The following NFE2 variants were observed in gnomAD, a reference collection of about 807,000 sequenced individuals.
The protein encoded by NFE2 is transcription factor NF-E2 45 kDa subunit.
Under a neutral mutation model 25.8 loss-of-function variants are expected in NFE2, and 13 were observed. The ratio of observed to expected loss-of-function variants is 0.50; its 90% confidence interval spans 0.33 to 0.80. The LOEUF (loss-of-function observed/expected upper bound fraction) is 0.80. NFE2 is among the 30% of genes least tolerant of loss of function. The pLI, the probability that NFE2 is intolerant of heterozygous loss-of-function variation, is 0.02. For synonymous variants in NFE2, 204 were observed against 200.2 expected, an observed-to-expected ratio of 1.02 and a Z score of -0.16; for missense variants, 382 against 478.9, an observed-to-expected ratio of 0.80 and a Z score of 1.89.
In NFE2 at chr12:54,293,196, GC is replaced by G; in HGVS notation, c.299del (p.Gly100AlafsTer11). On this transcript the variant is annotated frameshift_variant, in exon 3 of 3. Transcript: ENST00000435572. LOFTEE classifies it high-confidence loss of function. ...SHVPDPPYSY[G>X]NMAIPVSKPL... Reference sequence around the variant, plus strand: ...GCTTGGAGACTGGTATGGCCATGTTGCCATAGGAGTATGGGGGATCTGGGAC... The same window carrying G: ...GCTTGGAGACTGGTATGGCCATGTTGCATAGGAGTATGGGGGATCTGGGAC... The G allele has an allele frequency of 1.9e-6, 3 of 1,587,890 alleles. No individual in the cohort carries two copies. The highest frequency in any genetic ancestry group is 2.6e-6 in the Non-Finnish European group (3 of 1,165,846).
At chr12:54,299,580 G>A (rs1944403880) in intron 1 of NFE2, among the ~76,000 whole-genome samples, 1 of 152,182 alleles carries the variant, frequency 6.6e-6, no homozygotes, top group Non-Finnish European at 1.5e-5. Context: ...TAGCCTGGTG[G>A]TCCTACCCAG....
chr12:54,295,506 C>G, intron 1 of NFE2: 2 of 398,912 alleles, frequency 5.0e-6, no homozygotes, highest in Admixed American at 3.9e-5. Flanking sequence ...CCAACTATGG[C>G]CACAGTCAGT....
rs763252287 is a variant in NFE2 at position 54,292,597 on chromosome 12, C to G, written c.899G>C (p.Arg300Pro). 6.2e-7 allele frequency: 1 copy of G among 1,614,034 alleles called. No individual in the cohort carries two copies. Among genetic ancestry groups the G allele is most frequent in the Admixed American group, 1.7e-5 (1 of 60,000 alleles). Residue 300 changes from arginine to proline, a missense_variant, in exon 3 of 3, where the codon CGG becomes CCG. By Grantham distance (103) the Arg-to-Pro change is moderately radical. Transcript: ENST00000435572. Reference sequence around the variant, plus strand: ...AAGCCGCTCCCGTTCATTGGTCAGCCGCTCCAGCTCCCGCTCCAGCTGCAC... The same window carrying G: ...AAGCCGCTCCCGTTCATTGGTCAGCGGCTCCAGCTCCCGCTCCAGCTGCAC... Reference protein sequence around the residue: ...TIVQLERELERLTNERERLLR... With the variant: ...TIVQLERELEPLTNERERLLR...
At chr12:54,296,268 G>A (rs536868987) in intron 1 of NFE2, among the ~76,000 whole-genome samples, 2 of 152,120 alleles carry the variant, frequency 1.3e-5, no homozygotes, top group African/African-American at 4.8e-5. Context: ...AGCTGGGCGT[G>A]GTGGGGTGGC....
Position 54,293,242 on chromosome 12 carries a change from A to T in NFE2, c.254T>A (p.Leu85His). 6.2e-7 allele frequency: 1 copy of T among 1,611,282 alleles called. No individual in the cohort carries two copies. The highest frequency in any genetic ancestry group is 8.5e-7 in the Non-Finnish European group (1 of 1,178,712). The change falls in exon 3 of 3, where the codon CTC (leucine) becomes CAC (histidine). Residue 85 changes from leucine to histidine, a missense_variant. Coordinates refer to ENST00000435572, the MANE Select transcript of NFE2 (RefSeq NM_001136023.3). ...GFPLPPPPYE[L>H]PASTSHVPDP... ...TGGGACATGGGATGTGGATGCTGGG[A>T]GCTCATAAGGTGGTGGAGGAAGTGG...
Position 54,292,786 on chromosome 12 carries a change from AAAGGAATCTT to A in NFE2, c.700_709del (p.Lys234PhefsTer11). ...CAAGTTGACAATCTTGTCCGTAGGA[AAAGGAATCTT>A]CATGGCCAAGGCCCGACGTTCATCC... is the stretch of plus-strand genomic sequence containing the variant. On this transcript the variant is annotated frameshift_variant, in exon 3 of 3. Transcript: ENST00000435572. LOFTEE classifies it high-confidence loss of function. 1 of 1,614,170 alleles carries A rather than the reference AAAGGAATCTT, an allele frequency of 6.2e-7. No homozygotes were observed. The highest frequency in any genetic ancestry group is 8.5e-7 in the Non-Finnish European group (1 of 1,180,026).
intron 1 of NFE2, among the ~76,000 whole-genome samples, chr12:54,299,017 C>T (rs1944399096): frequency 6.6e-6 from 1 of 151,020 alleles, no homozygotes; most frequent in Non-Finnish European, 1.5e-5. Context: ...TGCCACTACA[C>T]TCCAGCCTGG....
Position 54,292,541 on chromosome 12 carries a change from G to A in NFE2, c.955C>T (p.Leu319=). The A allele has an allele frequency of 1.2e-6, 2 of 1,614,174 alleles. No homozygotes were observed. Among genetic ancestry groups the A allele is most frequent in the Non-Finnish European group, 1.7e-6 (2 of 1,180,040 alleles). ...LRARGEADRT[L]EVMRQQLTEL... ...GTCAGCTGTTGGCGCATGACCTCCA[G>A]GGTCCGGTCTGCCTCCCCGCGGGCC... Residue 319 remains leucine (L), a synonymous_variant, in exon 3 of 3, where the codon CTG becomes TTG. Transcript: ENST00000435572.
rs1174157944 is a variant in NFE2, at chr12:54,300,928, G to C, written c.-184C>G. 1 of 152,542 alleles carries C rather than the reference G, an allele frequency of 6.6e-6. No homozygotes were observed. Among genetic ancestry groups the C allele is most frequent in the Non-Finnish European group, 1.5e-5 (1 of 68,370 alleles). 9.4% of individuals were successfully genotyped at this position (152,542 alleles called of 1,614,324 possible). On this transcript the variant is annotated 5_prime_UTR_variant, in exon 1 of 3. Transcript: ENST00000435572. Reference sequence around the variant, plus strand: ...ACCTTTGAGAATCTGCGAGGACCGCGCCCCGCCCCCGGGCCATTGCTGAGC... The same window carrying C: ...ACCTTTGAGAATCTGCGAGGACCGCCCCCCGCCCCCGGGCCATTGCTGAGC...
At chr12:54,295,466 G>A in intron 1 of NFE2, 162 bp from the exon 2 acceptor site, 1 of 502,040 alleles carries the variant, frequency 2.0e-6, no homozygotes, top group Non-Finnish European at 3.6e-6. Flanking sequence ...AAGATGGAAA[G>A]TCTTTTCCTG....
chr12:54,296,142 C>T (rs1175096404), intron 1 of NFE2, among the ~76,000 whole-genome samples: 1 of 152,170 alleles, frequency 6.6e-6, no homozygotes, highest in African/African-American at 2.4e-5. Context: ...CGCGGTGGCT[C>T]AGGCCTGTAA....
At position 54,292,479 on chromosome 12, in the gene NFE2, A is replaced by G. The variant is rs766726607; in HGVS notation, c.1017T>C (p.Asp339=). Residue 339 remains aspartate, a synonymous_variant, in exon 3 of 3, where the codon GAT becomes GAC. Transcript: ENST00000435572. ...LYRDIFQHLR[D]ESGNSYSPEE... is the part of the protein sequence containing the mutation. The stretch of plus-strand genomic sequence containing the variant: ...CAGGAGAGTAGCTGTTGCCTGATTC[A>G]TCCCGAAGGTGCTGGAAAATGTCAC... The G allele has an allele frequency of 6.8e-6, 11 of 1,614,144 alleles. No homozygotes were observed. In the Admixed American group the frequency reaches 1.7e-4, roughly 24 times the overall value.
chr12:54,296,409 CAAAAA>C (rs372037870), intron 1 of NFE2, among the ~76,000 whole-genome samples: 1 of 86,968 alleles, frequency 1.1e-5, no homozygotes, highest in Admixed American at 1.2e-4. Context: ...GACTATGTCT[CAAAAA>C]AAAAAAAAAA....
chr12:54,296,158 G>A (rs1592181182), intron 1 of NFE2, among the ~76,000 whole-genome samples: 2 of 152,180 alleles, frequency 1.3e-5, no homozygotes, highest in Non-Finnish European at 2.9e-5. Context: ...TGTAATCCCA[G>A]CACTTTGGGA....
intron 2 of NFE2, among the ~76,000 whole-genome samples, chr12:54,294,601 C>T (rs1489127788): frequency 2.6e-5 from 4 of 152,192 alleles, no homozygotes; most frequent in Non-Finnish European, 5.9e-5. Flanking sequence ...CCCCAACCTA[C>T]ATCAGGGAGC....
At position 54,292,465 on chromosome 12, in the gene NFE2, C is replaced by T. The variant is rs1183797955; in HGVS notation, c.1031G>A (p.Ser344Asn). 5.0e-6 allele frequency: 8 copies of T among 1,614,212 alleles called. No homozygotes were observed. The highest frequency in any genetic ancestry group is 6.8e-6 in the Non-Finnish European group (8 of 1,180,028). ...FQHLRDESGN[S>N]YSPEEYALQQ... The stretch of plus-strand genomic sequence containing the variant: ...CAGCGCGTACTCTTCAGGAGAGTAG[C>T]TGTTGCCTGATTCATCCCGAAGGTG... The change falls in exon 3 of 3, where the codon AGC (serine) becomes AAC (asparagine). Residue 344 changes from serine (S) to asparagine (N), a missense_variant. Coordinates refer to ENST00000435572, the MANE Select transcript of NFE2 (RefSeq NM_001136023.3).
intron 1 of NFE2, among the ~76,000 whole-genome samples, chr12:54,296,625 C>T (rs556238558): frequency 1.3e-5 from 2 of 152,216 alleles, no homozygotes; most frequent in African/African-American, 4.8e-5. Context: ...TGTGGAGTGT[C>T]AGTCTCTCTT....
intron 2 of NFE2, among the ~76,000 whole-genome samples, chr12:54,294,646 C>A (rs1194172610): frequency 2.0e-5 from 3 of 152,170 alleles, no homozygotes; most frequent in Non-Finnish European, 4.4e-5. Context: ...ACAAAGGCAT[C>A]ATTGTCAAGC....
chr12:54,299,824 G>A (rs1944406823), intron 1 of NFE2, among the ~76,000 whole-genome samples: 1 of 152,086 alleles, frequency 6.6e-6, no homozygotes, highest in South Asian at 2.1e-4. Flanking sequence ...GGTGTCAATA[G>A]GTGCAGTGAA....
Sources: allele counts gnomAD v4.1 joint callset (sites outside exome capture counted in the v4.1 genomes callset), GRCh38; gene constraint gnomAD v4.1.1; transcripts MANE v1.5; gene names NCBI Gene and HGNC (gene_info 2026-07-23, HGNC 2026-07-21).